Variants in ANKFY1 observed in about 807,000 individuals in gnomAD.
The protein encoded by ANKFY1 is ankyrin repeat and FYVE domain-containing protein 1.
A neutral mutation model predicts 128.3 loss-of-function variants in ANKFY1; 47 were observed. That is an observed-to-expected ratio of 0.37 (90% CI 0.29 to 0.47). The LOEUF (loss-of-function observed/expected upper bound fraction) is 0.47, where lower values mean the gene tolerates loss of function less well. Ranked by LOEUF, ANKFY1 falls within the 20% of genes least tolerant of loss-of-function variation. ANKFY1 has a pLI of 1.00. For missense variants in ANKFY1, 1,222 were observed against 1,510.6 expected, an observed-to-expected ratio of 0.81 and a Z score of 3.17; for synonymous variants, 553 against 601.6, an observed-to-expected ratio of 0.92 and a Z score of 1.18.
At chr17:4,243,623 C>T (rs955077696) in intron 1 of ANKFY1, among the ~76,000 whole-genome samples, 5 of 152,122 alleles carry the variant, frequency 3.3e-5, no homozygotes, top group East Asian at 1.9e-4. Context: ...GGTGAGAGGA[C>T]GGGCTGGGAT....
At chr17:4,256,382 C>T (rs929669925) in intron 1 of ANKFY1, among the ~76,000 whole-genome samples, 1 of 152,086 alleles carries the variant, frequency 6.6e-6, no homozygotes, top group Admixed American at 6.5e-5. Context: ...GAGCTGAGAT[C>T]GCACCACTGC....
chr17:4,225,713 T>C (rs1220959344), intron 3 of ANKFY1, among the ~76,000 whole-genome samples: 1 of 152,010 alleles, frequency 6.6e-6, no homozygotes. Context: ...ACTGGATGAG[T>C]TTCCCCGTTT....
Position 4,181,482 on chromosome 17 carries a change from G to T in ANKFY1, c.2122-110C>A. 2.8e-6 allele frequency: 2 copies of T among 719,926 alleles called. No individual in the cohort carries two copies. Among genetic ancestry groups the T allele is most frequent in the Non-Finnish European group, 2.4e-6 (1 of 408,306 alleles). 44.6% of individuals were successfully genotyped at this position (719,926 alleles called of 1,614,324 possible). A position where few individuals can be genotyped will look rare whatever the true frequency, so the allele number is the denominator to read the frequency against. ...TTAAATCCACTTTCAGATAAGATAC[G>T]GTTGATAATAAATTGATAATTACTT... is the stretch of plus-strand genomic sequence containing the variant. On this transcript the variant is annotated intron_variant, in intron 15 of 24. Coordinates refer to ENST00000341657, the MANE Select transcript of ANKFY1 (RefSeq NM_001330063.2). The surrounding 1 kb of genome is among the most constrained non-coding windows in gnomAD (Gnocchi z 4.9).
intron 23 of ANKFY1, 109 bp downstream of exon 23, chr17:4,170,606 G>A (rs897262670): frequency 1.3e-4 from 186 of 1,445,076 alleles, no homozygotes; most frequent in Middle Eastern, 2.0e-4. Context: ...GGAAACGAGC[G>A]GTTCCGATCC....
In ANKFY1 at chr17:4,169,580, C is replaced by T. The variant is rs776087432; in HGVS notation, c.3287-292G>A. ...TCAGGGATGGCTGGGATGGAAGGCA[C>T]GGTAGGGAGAGAACAGAGACCACAC... is the stretch of plus-strand genomic sequence containing the variant. On this transcript the variant is annotated intron_variant, in intron 23 of 24. Coordinates refer to ENST00000341657, the MANE Select transcript of ANKFY1 (RefSeq NM_001330063.2). The surrounding 1 kb of genome is among the most constrained non-coding windows in gnomAD (Gnocchi z 5.0). Among the ~76,000 whole-genome samples the T allele has an allele frequency of 2.0e-5, 3 of 152,030 alleles. No individual in the cohort carries two copies. Among genetic ancestry groups the T allele is most frequent in the Non-Finnish European group, 4.4e-5 (3 of 68,004 alleles).
chr17:4,225,720 G>A (rs561945635), intron 3 of ANKFY1, among the ~76,000 whole-genome samples: 4 of 152,190 alleles, frequency 2.6e-5, no homozygotes, highest in East Asian at 3.9e-4. Context: ...GAGTTTCCCC[G>A]TTTTGTTCCT....
At position 4,197,478 on chromosome 17, in the gene ANKFY1, T is replaced by A. The variant is rs1187907919; in HGVS notation, c.998A>T (p.Tyr333Phe). 1 of 1,614,082 alleles carries A rather than the reference T, an allele frequency of 6.2e-7. No homozygotes were observed. The highest frequency in any genetic ancestry group is 8.5e-7 in the Non-Finnish European group (1 of 1,180,046). ...QETPLHLVAL[Y>F]SSKKHSADVM... ...ATCTGCTGAGTGTTTCTTTGAACTG[T>A]ACAAGGCCACAAGGTGCAGTGGTGT... Residue 333 changes from tyrosine to phenylalanine, a missense_variant, in exon 8 of 25, where the codon TAC becomes TTC. Tyr to Phe is a conservative substitution (Grantham distance 22). Coordinates refer to ENST00000341657, the MANE Select transcript of ANKFY1 (RefSeq NM_001330063.2).
chr17:4,212,203 G>C (rs565513638), intron 4 of ANKFY1, among the ~76,000 whole-genome samples: 107 of 152,284 alleles, frequency 7.0e-4, no homozygotes, highest in Admixed American at 1.3e-3. Context: ...ATGGTTTCAC[G>C]AGATTTCCTG....
chr17:4,198,215 A>C (rs1349895308), intron 7 of ANKFY1, among the ~76,000 whole-genome samples: 1 of 151,448 alleles, frequency 6.6e-6, no homozygotes, highest in Non-Finnish European at 1.5e-5. Context: ...ATCCCTCCCT[A>C]CACAATTTCT....
At position 4,231,032 on chromosome 17, in the gene ANKFY1, T is replaced by A. The variant is rs569333416; in HGVS notation, c.322+4740A>T. 5.9e-5 allele frequency among the ~76,000 whole-genome samples: 9 copies of A among 152,338 alleles called. No homozygotes were observed. The South Asian group carries it at 1.7e-3, about 28-fold the overall frequency. ...CAGAATCCAACTGAGGATTCTACAC[T>A]GCATTCAGTGTTAGTCTCACCCAAT... On this transcript the variant is annotated intron_variant, in intron 3 of 24. Coordinates refer to ENST00000341657, the MANE Select transcript of ANKFY1 (RefSeq NM_001330063.2).
intron 1 of ANKFY1, chr17:4,263,489 A>ACC: frequency 9.2e-7 from 1 of 1,088,560 alleles, no homozygotes; most frequent in Non-Finnish European, 1.3e-6. Flanking sequence ...CCTCACCCCA[A>ACC]CCCAGCCCGA....
chr17:4,235,340 C>A (rs201722144), intron 3 of ANKFY1, among the ~76,000 whole-genome samples: 1,422 of 116,520 alleles, frequency 0.012, no homozygotes, highest in Non-Finnish European at 0.015. Flanking sequence ...GACTCTGTCT[C>A]AAAAAAAAAA....
intron 3 of ANKFY1, among the ~76,000 whole-genome samples, chr17:4,220,889 T>A (rs953772866): frequency 6.6e-6 from 1 of 151,906 alleles, no homozygotes; most frequent in Non-Finnish European, 1.5e-5. Flanking sequence ...CTAAAAGGAG[T>A]AGACTCAGAA....
At chr17:4,209,727 G>C (rs2060092295) in intron 5 of ANKFY1, 97 bp downstream of exon 5, 2 of 1,370,206 alleles carry the variant, frequency 1.5e-6, no homozygotes, top group African/African-American at 2.9e-5. Context: ...GAGAAAACCA[G>C]GTGCCAGAGA....
At chr17:4,184,756 A>G (rs564357700) in intron 12 of ANKFY1, 62 bp downstream of exon 12, 38 of 1,546,008 alleles carry the variant, frequency 2.5e-5, no homozygotes, top group Non-Finnish European at 3.2e-5. Context: ...CAACTCTGTA[A>G]CTAAGGATCC....
intron 7 of ANKFY1, among the ~76,000 whole-genome samples, chr17:4,201,836 C>T (rs940023361): frequency 1.3e-5 from 2 of 152,092 alleles, no homozygotes; most frequent in Non-Finnish European, 2.9e-5. Context: ...CTTTTGCTAT[C>T]CATTTATACA....
intron 3 of ANKFY1, chr17:4,223,629 C>A (rs937625329): frequency 3.3e-6 from 5 of 1,494,132 alleles, no homozygotes; most frequent in African/African-American, 2.8e-5. Flanking sequence ...CTGGGCCAGA[C>A]GCCCTACATG....
At position 4,206,484 on chromosome 17, in the gene ANKFY1, G is replaced by T. The variant is rs776450710; in HGVS notation, c.735C>A (p.Leu245=). The change falls in exon 7 of 25, where the codon CTC becomes CTA. Residue 245 remains leucine (L), a splice_region_variant and synonymous_variant. Transcript: ENST00000341657. ...GATCCGCTTCATTCAGCTTCCCAGG[G>T]AGCTACACAAACAAGTTTGTAAATT... The part of the protein sequence containing the change: ...FLYLIEMDSQ[L]PGKLNEADHN... 3.2e-5 allele frequency: 51 copies of T among 1,608,838 alleles called. No homozygotes were observed. Among genetic ancestry groups the T allele is most frequent in the Non-Finnish European group, 4.1e-5 (48 of 1,175,766 alleles).
intron 3 of ANKFY1, chr17:4,222,348 T>C (rs1484620727): frequency 1.3e-6 from 1 of 760,058 alleles, no homozygotes; most frequent in African/African-American, 1.8e-5. Flanking sequence ...CAAATGACCT[T>C]ATTATTCACT....
Sources: allele counts gnomAD v4.1 joint callset (sites outside exome capture counted in the v4.1 genomes callset), GRCh38; gene constraint gnomAD v4.1.1; non-coding constraint Gnocchi (gnomAD v3.1); transcripts MANE v1.5; gene names NCBI Gene and HGNC (gene_info 2026-07-23, HGNC 2026-07-21).